The following KCTD21 variants were observed in gnomAD, a reference collection of about 807,000 sequenced individuals.
KCTD21 encodes BTB/POZ domain-containing protein KCTD21.
KCTD21 carries 9 observed loss-of-function variants against 13.2 expected under a neutral mutation model. The ratio of observed to expected loss-of-function variants is 0.68; its 90% CI spans 0.41 to 1.19. The LOEUF (loss-of-function observed/expected upper bound fraction) is 1.19, where lower values mean the gene tolerates loss of function less well. KCTD21 is among the 50% of genes most tolerant of loss of function. KCTD21 has a pLI of 0.01. For missense variants in KCTD21, 303 were observed against 336.5 expected (o/e 0.90, Z 0.78); for synonymous variants, 142 against 137.4 (o/e 1.03, Z -0.23).
At chr11:78,186,389 AAAAAAAAAAAAAAAAAAAG>A (rs1457778886) in intron 1 of KCTD21, among the ~76,000 whole-genome samples, 2 of 142,760 alleles carry the variant, frequency 1.4e-5, no homozygotes, top group African/African-American at 5.1e-5. Flanking sequence ...AAAAAAAAAA[AAAAAAAAAAAAAAAAAAAG>A]AAAAGAACTG....
At chr11:78,187,669 A>C (rs769376163) in intron 1 of KCTD21, 76 of 985,352 alleles carry the variant, frequency 7.7e-5, no homozygotes, top group South Asian at 5.2e-4. Context: ...ATTTATAAAC[A>C]CCGTGCTTTC....
intron 1 of KCTD21, chr11:78,175,322 T>TAA (rs1862419971): frequency 9.7e-6 from 1 of 103,176 alleles, no homozygotes; most frequent in African/African-American, 3.9e-5. Context: ...AAACTCTGTC[T>TAA]CAAAAAAAAA....
chr11:78,182,308 C>CT lies in KCTD21; in HGVS notation c.-30+6264dup, dbSNP rs61569293. 9.7e-4 allele frequency among the ~76,000 whole-genome samples: 114 copies of CT among 117,334 alleles called. 1 individual carries two copies. Among genetic ancestry groups the CT allele is most frequent in the Non-Finnish European group, 1.8e-3 (95 of 54,094 alleles). 77.0% of individuals were successfully genotyped at this position (117,334 alleles called of 152,430 possible). ...CCTTATCCCAAAGCACCCCCCCCCC[C>CT]TCAAAATTAATTATAGTTGTTATGC... is the stretch of plus-strand genomic sequence containing the variant. On this transcript the variant is annotated intron_variant, in intron 1 of 1. Coordinates refer to ENST00000340067, the MANE Select transcript of KCTD21 (RefSeq NM_001029859.3).
intron 1 of KCTD21, among the ~76,000 whole-genome samples, chr11:78,185,565 C>T (rs1862741383): frequency 6.6e-6 from 1 of 151,848 alleles, no homozygotes; most frequent in African/African-American, 2.4e-5. Context: ...CTGGATAGAG[C>T]CACCACCCAC....
intron 1 of KCTD21, among the ~76,000 whole-genome samples, chr11:78,183,785 G>A (rs374753542): frequency 1.3e-4 from 19 of 151,446 alleles, no homozygotes; most frequent in Admixed American, 8.6e-4. Flanking sequence ...ACAGGCGCCC[G>A]CCACCTCGCT....
At position 78,174,210 on chromosome 11, in the gene KCTD21, T is replaced by C. The variant is rs1400918993; in HGVS notation, c.345A>G (p.Thr115=). ...KAEKNAMLNI[T]LNQRVQTVHF... ...GGACCGTCTGCACACGCTGGTTCAG[T>C]GTGATGTTGAGCATGGCATTCTTCT... The change falls in exon 2 of 2, where the codon ACA becomes ACG. Residue 115 remains threonine (T), a synonymous_variant. Transcript: ENST00000340067. The C allele has an allele frequency of 6.2e-7, 1 of 1,613,906 alleles. No individual in the cohort carries two copies. Among genetic ancestry groups the C allele is most frequent in the Non-Finnish European group, 8.5e-7 (1 of 1,179,984 alleles).
intron 1 of KCTD21, among the ~76,000 whole-genome samples, chr11:78,184,337 T>G (rs1042602146): frequency 6.6e-6 from 1 of 150,818 alleles, no homozygotes; most frequent in African/African-American, 2.5e-5. Flanking sequence ...CTCTATTTAT[T>G]TATTTATTTA....
intron 1 of KCTD21, among the ~76,000 whole-genome samples, chr11:78,185,119 C>A (rs942831078): frequency 6.6e-5 from 10 of 152,106 alleles, no homozygotes; most frequent in Non-Finnish European, 1.5e-5. Context: ...TGTAGTAGAA[C>A]GCCCTTATTA....
At chr11:78,182,419 C>A (rs1266015088) in intron 1 of KCTD21, among the ~76,000 whole-genome samples, 2 of 151,622 alleles carry the variant, frequency 1.3e-5, no homozygotes, top group African/African-American at 2.4e-5. Flanking sequence ...GACTGATAAC[C>A]TGAAAGAGTA....
chr11:78,185,001 G>A (rs1862728562), intron 1 of KCTD21, among the ~76,000 whole-genome samples: 1 of 152,204 alleles, frequency 6.6e-6, no homozygotes, highest in Non-Finnish European at 1.5e-5. Flanking sequence ...GCTTCCCAAA[G>A]TGCTGGGGTT....
intron 1 of KCTD21, among the ~76,000 whole-genome samples, chr11:78,179,343 G>A (rs1007070936): frequency 2.6e-5 from 4 of 151,650 alleles, no homozygotes; most frequent in South Asian, 2.1e-4. Context: ...TGTTCAAAAC[G>A]CCAAGGACCT....
chr11:78,186,138 G>A (rs1774845364), intron 1 of KCTD21, among the ~76,000 whole-genome samples: 1 of 151,548 alleles, frequency 6.6e-6, no homozygotes. Flanking sequence ...GCACTTGGAA[G>A]GCCCAGGTGG....
Position 78,174,244 on chromosome 11 carries a change from G to A in KCTD21, c.311C>T (p.Ser104Phe). 3 of 1,614,028 alleles carry A rather than the reference G, an allele frequency of 1.9e-6. No individual in the cohort carries two copies. The highest frequency in any genetic ancestry group is 2.5e-6 in the Non-Finnish European group (3 of 1,180,028). The change falls in exon 2 of 2, where the codon TCC (serine) becomes TTC (phenylalanine). Residue 104 changes from serine (S) to phenylalanine (F), a missense_variant. Coordinates refer to ENST00000340067, the MANE Select transcript of KCTD21 (RefSeq NM_001029859.3). Reference sequence around the variant, plus strand: ...GAGCATGGCATTCTTCTCGGCCTTGGAGAGCTCCACTTCCTTCTCCTGCAG... The same window carrying A: ...GAGCATGGCATTCTTCTCGGCCTTGAAGAGCTCCACTTCCTTCTCCTGCAG... ...EALQEKEVEL[S>F]KAEKNAMLNI...
At chr11:78,181,053 G>A (rs1224870201) in intron 1 of KCTD21, among the ~76,000 whole-genome samples, 1 of 152,204 alleles carries the variant, frequency 6.6e-6, no homozygotes, top group Non-Finnish European at 1.5e-5. Context: ...GTGGAACCGT[G>A]AGTCAATTAA....
In KCTD21 at chr11:78,173,964, C is replaced by T. The variant is rs944452146; in HGVS notation, c.591G>A (p.Glu197=). Residue 197 remains glutamate (E), a synonymous_variant, in exon 2 of 2, where the codon GAG becomes GAA. Coordinates refer to ENST00000340067, the MANE Select transcript of KCTD21 (RefSeq NM_001029859.3). ...DWVANVEGLP[E]EEYTKQNLKR... ...TGAGGTTCTGCTTGGTGTACTCCTC[C>T]TCTGGCAGGCCCTCCACATTGGCCA... The T allele has an allele frequency of 2.5e-6, 4 of 1,613,938 alleles. No homozygotes were observed. Among genetic ancestry groups the T allele is most frequent in the Non-Finnish European group, 2.5e-6 (3 of 1,180,030 alleles).
intron 1 of KCTD21, chr11:78,175,259 G>C (rs1208444111): frequency 1.3e-5 from 2 of 150,042 alleles, no homozygotes; most frequent in Non-Finnish European, 2.9e-5. Context: ...GGAGGTGGAG[G>C]TTGCAGTGAG....
At chr11:78,182,642 A>G (rs1299572370) in intron 1 of KCTD21, among the ~76,000 whole-genome samples, 1 of 152,170 alleles carries the variant, frequency 6.6e-6, no homozygotes, top group Non-Finnish European at 1.5e-5. Context: ...CTTTGTTTCA[A>G]AGACAACCTA....
At position 78,174,333 on chromosome 11, in the gene KCTD21, G is replaced by A. The variant is rs775316647; in HGVS notation, c.222C>T (p.Phe74=). The change falls in exon 2 of 2, where the codon TTC becomes TTT. Residue 74 remains phenylalanine, a synonymous_variant. Transcript: ENST00000340067. ...RTSHLDLPED[F]QEMGLLRREA... is the part of the protein sequence containing the mutation. ...CCCTGCGGAGCAGCCCCATCTCCTG[G>A]AAGTCCTCAGGCAGGTCAAGGTGGG... 19 of 1,613,952 alleles carry A rather than the reference G, an allele frequency of 1.2e-5. No individual in the cohort carries two copies. Among genetic ancestry groups the A allele is most frequent in the Non-Finnish European group, 1.6e-5 (19 of 1,179,998 alleles).
At chr11:78,185,365 G>GT (rs1195383878) in intron 1 of KCTD21, among the ~76,000 whole-genome samples, 1 of 152,184 alleles carries the variant, frequency 6.6e-6, no homozygotes, top group Non-Finnish European at 1.5e-5. Flanking sequence ...GCCAATAGAT[G>GT]TAAAGTTACA....
Sources: gnomAD v4.1 joint callset for allele counts (sites outside exome capture counted in the v4.1 genomes callset) on GRCh38, gnomAD v4.1.1 for gene constraint, MANE v1.5 for transcripts, NCBI Gene and HGNC (gene_info 2026-07-23, HGNC 2026-07-21) for gene names.